The following MAP3K20 variants were observed in gnomAD, a reference collection of about 807,000 sequenced individuals.
MAP3K20 encodes HCCS-4.
Under a neutral mutation model 85.7 loss-of-function variants are expected in MAP3K20, and 40 were observed. The observed-to-expected ratio is 0.47, with a 90% CI of 0.36 to 0.61. The LOEUF is 0.61. Ranked by LOEUF, MAP3K20 falls within the 20% of genes least tolerant of loss-of-function variation. The probability of loss-of-function intolerance (pLI) is 0.00; values close to 1 mark genes in which losing one functional copy is unlikely to be tolerated. For synonymous variants in MAP3K20, 325 were observed against 327.7 expected, an observed-to-expected ratio of 0.99 and a Z score of 0.09; for missense variants, 817 against 961.7, an observed-to-expected ratio of 0.85 and a Z score of 1.99.
chr2:173,181,604 T>C (rs1690328701), intron 3 of MAP3K20, among the ~76,000 whole-genome samples: 1 of 152,206 alleles, frequency 6.6e-6, no homozygotes. Context: ...AGGAGCATTA[T>C]TCGTAATAGC....
intron 14 of MAP3K20, 26 bp from the exon 15 acceptor site, chr2:173,238,347 A>T: frequency 6.3e-7 from 1 of 1,590,314 alleles, no homozygotes; most frequent in Non-Finnish European, 8.6e-7. Context: ...TGGATCATTA[A>T]TAAAGTCATA....
chr2:173,140,073 G>A (rs1307570872), intron 2 of MAP3K20, among the ~76,000 whole-genome samples: 14 of 151,998 alleles, frequency 9.2e-5, no homozygotes, highest in South Asian at 2.1e-4. Context: ...GTGCAATGGC[G>A]CAATCTCAGC....
intron 2 of MAP3K20, among the ~76,000 whole-genome samples, chr2:173,100,068 T>A (rs2106159241): frequency 6.6e-6 from 1 of 152,308 alleles, no homozygotes; most frequent in South Asian, 2.1e-4. Context: ...TGAGAAGGGA[T>A]CAGATGCCAC....
intron 9 of MAP3K20, among the ~76,000 whole-genome samples, chr2:173,206,542 A>C (rs896093900): frequency 5.3e-5 from 8 of 152,168 alleles, no homozygotes; most frequent in Admixed American, 4.6e-4. Context: ...TTTCATTCCC[A>C]AACAAGTTCT....
rs778882663 is a variant in MAP3K20, at chr2:173,232,387, G to A, written c.1131G>A (p.Arg377=). ...LFKENNITGK[R]LLLLEEEDLK... ...AAGAAAACAACATTACAGGGAAGCGGCTGCTGCTGCTGGAGGAAGAAGACC... is the reference window on the plus strand; with the variant it reads ...AAGAAAACAACATTACAGGGAAGCGACTGCTGCTGCTGGAGGAAGAAGACC... The change falls in exon 14 of 20, where the codon CGG becomes CGA. Residue 377 remains arginine, a synonymous_variant. Coordinates refer to ENST00000375213, the MANE Select transcript of MAP3K20 (RefSeq NM_016653.3). 1.2e-6 allele frequency: 2 copies of A among 1,613,014 alleles called. No homozygotes were observed. Among genetic ancestry groups the A allele is most frequent in the South Asian group, 1.1e-5 (1 of 91,044 alleles).
chr2:173,192,617 A>C (rs1056455647), intron 7 of MAP3K20, among the ~76,000 whole-genome samples: 9 of 152,220 alleles, frequency 5.9e-5, no homozygotes, highest in African/African-American at 1.9e-4. Flanking sequence ...GTTTCAGAGG[A>C]GACTAGCTTA....
In MAP3K20 at chr2:173,266,310, A is replaced by T. The variant is rs1461349976; in HGVS notation, c.1963A>T (p.Arg655Trp). The T allele has an allele frequency of 1.2e-6, 2 of 1,613,988 alleles. No homozygotes were observed. Among genetic ancestry groups the T allele is most frequent in the Non-Finnish European group, 1.7e-6 (2 of 1,180,014 alleles). ...CTTCTCTTCCCTACATCTCAACTCTAGGGACAGTGGCTTTTCCAGTGGCAA... is the reference window on the plus strand; with the variant it reads ...CTTCTCTTCCCTACATCTCAACTCTTGGGACAGTGGCTTTTCCAGTGGCAA... ...KNFSSLHLNSRDSGFSSGNTD... is the reference protein window; with the variant it reads ...KNFSSLHLNSWDSGFSSGNTD... Residue 655 changes from arginine to tryptophan, a missense_variant, in exon 20 of 20, where the codon AGG becomes TGG. Arg to Trp is a moderately radical substitution (Grantham distance 101). Transcript: ENST00000375213.
chr2:173,076,539 G>A (rs1686867582), intron 1 of MAP3K20, among the ~76,000 whole-genome samples: 1 of 152,256 alleles, frequency 6.6e-6, no homozygotes, highest in Non-Finnish European at 1.5e-5. Flanking sequence ...ACTCGACCGC[G>A]AGCGGTGTTG....
At chr2:173,109,632 A>G (rs1687884833) in intron 2 of MAP3K20, among the ~76,000 whole-genome samples, 1 of 152,212 alleles carries the variant, frequency 6.6e-6, no homozygotes, top group Non-Finnish European at 1.5e-5. Context: ...CAGGGTCTGC[A>G]GAGAGAGGGA....
At chr2:173,159,325 C>T (rs535220622) in intron 2 of MAP3K20, among the ~76,000 whole-genome samples, 5 of 112,202 alleles carry the variant, frequency 4.5e-5, no homozygotes, top group East Asian at 4.6e-4. Flanking sequence ...AAACTGAGTA[C>T]GGGTTGTTTC....
rs567903286 is a variant in MAP3K20 at position 173,265,073 on chromosome 2, G to A, written c.1703-977G>A. 3.9e-5 allele frequency among the ~76,000 whole-genome samples: 6 copies of A among 152,348 alleles called. No individual in the cohort carries two copies. In the East Asian group the frequency reaches 1.2e-3, roughly 29 times the overall value. On this transcript the variant is annotated intron_variant, in intron 19 of 19. Coordinates refer to ENST00000375213, the MANE Select transcript of MAP3K20 (RefSeq NM_016653.3). The stretch of plus-strand genomic sequence containing the variant: ...AACAACAGAAGAAGGCATTGTGATG[G>A]ACTGAAGCCTGGGAGGAGTCTCTGG...
In MAP3K20 at chr2:173,198,516, T is replaced by C. The variant is rs1690925492; in HGVS notation, c.669+404T>C. On this transcript the variant is annotated intron_variant, in intron 8 of 19. Transcript: ENST00000375213. The surrounding 1 kb of genome is among the most constrained non-coding windows in gnomAD (Gnocchi z 5.8). ...TAAGAGACCTTCAGCTACTTCAACT[T>C]ACCTCTCCCAGCAGGAGTCACTATA... 1 of 153,070 alleles carries C rather than the reference T, an allele frequency of 6.5e-6. No homozygotes were observed. The highest frequency in any genetic ancestry group is 6.5e-5 in the Admixed American group (1 of 15,302). The allele number at this position is 153,070 out of a possible 1,614,324, so 9.5% of individuals were successfully genotyped here.
intron 11 of MAP3K20, chr2:173,223,892 C>G: frequency 2.0e-6 from 2 of 985,454 alleles, no homozygotes; most frequent in Non-Finnish European, 2.4e-6. Flanking sequence ...TCCTGTCTTT[C>G]CAGCATGCCC....
chr2:173,217,522 T>A (rs1373216524), intron 11 of MAP3K20, among the ~76,000 whole-genome samples: 1 of 152,218 alleles, frequency 6.6e-6, no homozygotes, highest in Non-Finnish European at 1.5e-5. Flanking sequence ...TATATTAGAA[T>A]TACAATAATA....
chr2:173,209,872 T>A, intron 10 of MAP3K20, 37 bp downstream of exon 10: 3 of 1,538,488 alleles, frequency 1.9e-6, no homozygotes, highest in Non-Finnish European at 2.7e-6. Context: ...GCGTCTGGCT[T>A]TCAAAGACCA....
At chr2:173,083,361 A>T (rs1030705649) in intron 1 of MAP3K20, among the ~76,000 whole-genome samples, 30 of 150,344 alleles carry the variant, frequency 2.0e-4, no homozygotes, top group Non-Finnish European at 2.4e-4. Flanking sequence ...TTTATTTTTT[A>T]TTTTTTTTTT....
intron 7 of MAP3K20, chr2:173,197,805 G>A (rs1043062910): frequency 4.1e-6 from 1 of 244,362 alleles, no homozygotes; most frequent in Non-Finnish European, 7.8e-6. Flanking sequence ...GGCTCTAGAT[G>A]TCCTAATTTC....
At chr2:173,178,460 A>G (rs1474089542) in intron 3 of MAP3K20, among the ~76,000 whole-genome samples, 3 of 152,156 alleles carry the variant, frequency 2.0e-5, no homozygotes, top group African/African-American at 7.2e-5. Flanking sequence ...CCTGGCCATC[A>G]TAGCGAAACC....
intron 1 of MAP3K20, among the ~76,000 whole-genome samples, chr2:173,080,536 AAC>A (rs1686985459): frequency 6.6e-6 from 1 of 152,254 alleles, no homozygotes; most frequent in Non-Finnish European, 1.5e-5. Context: ...AGAAAAAGTG[AAC>A]TCCTGAGATA....
Sources: gnomAD v4.1 joint callset for allele counts (sites outside exome capture counted in the v4.1 genomes callset) on GRCh38, gnomAD v4.1.1 for gene constraint, Gnocchi (gnomAD v3.1) non-coding constraint, MANE v1.5 for transcripts, NCBI Gene and HGNC (gene_info 2026-07-23, HGNC 2026-07-21) for gene names.